SCFD2: variants seen among roughly 807,000 people sequenced by gnomAD.
SCFD2 encodes the protein sec1 family domain containing 2.
Under a neutral mutation model 58.9 loss-of-function variants are expected in SCFD2, and 54 were observed. The observed-to-expected ratio is 0.92, with a 90% CI of 0.74 to 1.15. The LOEUF (loss-of-function observed/expected upper bound fraction) is 1.15. Among genes scored for constraint, SCFD2 ranks in the 50% most tolerant of loss-of-function variants. The pLI is 0.00. For missense variants in SCFD2, 805 were observed against 836.6 expected (o/e 0.96, Z 0.47); for synonymous variants, 321 against 335.9 (o/e 0.96, Z 0.49).
At chr4:53,271,701 G>A (rs1397837183) in intron 4 of SCFD2, among the ~76,000 whole-genome samples, 2 of 152,082 alleles carry the variant, frequency 1.3e-5, no homozygotes, top group Non-Finnish European at 2.9e-5. Flanking sequence ...AACCTCAAGT[G>A]ATCCGCCCAC....
At chr4:53,354,090 C>T (rs1220298295) in intron 1 of SCFD2, among the ~76,000 whole-genome samples, 3 of 152,256 alleles carry the variant, frequency 2.0e-5, no homozygotes, top group African/African-American at 7.2e-5. Context: ...CCACATTCTT[C>T]GGCCCTTGGG....
chr4:53,113,555 A>G (rs974132247), intron 5 of SCFD2, among the ~76,000 whole-genome samples: 15 of 152,064 alleles, frequency 9.9e-5, no homozygotes, highest in African/African-American at 3.6e-4. Flanking sequence ...CTGGTAGACT[A>G]ATTTAGAAAC....
chr4:53,319,666 G>T (rs1414212506), intron 2 of SCFD2, among the ~76,000 whole-genome samples: 1 of 151,992 alleles, frequency 6.6e-6, no homozygotes, highest in East Asian at 1.9e-4. Context: ...TGGATAGCTG[G>T]GATTACAGGC....
chr4:53,069,697 T>TA (rs1374370670), intron 5 of SCFD2, among the ~76,000 whole-genome samples: 1 of 152,060 alleles, frequency 6.6e-6, no homozygotes, highest in East Asian at 1.9e-4. Flanking sequence ...CATGGTACTA[T>TA]AAAAAATCTA....
intron 5 of SCFD2, among the ~76,000 whole-genome samples, chr4:53,106,011 C>A (rs1228643518): frequency 6.6e-6 from 1 of 152,098 alleles, no homozygotes; most frequent in African/African-American, 2.4e-5. Flanking sequence ...AGGCAGTAAT[C>A]TTTGCTGTTC....
chr4:52,963,856 G>C (rs1720903919), intron 5 of SCFD2, among the ~76,000 whole-genome samples: 1 of 152,152 alleles, frequency 6.6e-6, no homozygotes, highest in African/African-American at 2.4e-5. Context: ...AGTTGGACAA[G>C]AAGCAATGGC....
Position 53,244,954 on chromosome 4 carries a change from A to G in SCFD2, c.1311+28872T>C, listed in dbSNP as rs549106685. Among the ~76,000 whole-genome samples, 8 of 152,110 alleles carry G rather than the reference A, an allele frequency of 5.3e-5. No individual in the cohort carries two copies. The South Asian group carries it at 1.5e-3, about 28-fold the overall frequency. The stretch of plus-strand genomic sequence containing the variant: ...CCACTCACCCCACAGAAATTCAAAT[A>G]ACAATCAGAGAATACTATGGACACC... On this transcript the variant is annotated intron_variant, in intron 4 of 8. Coordinates refer to ENST00000401642, the MANE Select transcript of SCFD2 (RefSeq NM_152540.4).
intron 4 of SCFD2, among the ~76,000 whole-genome samples, chr4:53,185,073 G>T (rs1217940287): frequency 6.6e-6 from 1 of 152,106 alleles, no homozygotes; most frequent in Non-Finnish European, 1.5e-5. Flanking sequence ...TGATAAGAGA[G>T]AAAAATATTC....
chr4:53,152,994 T>C (rs751803595), intron 4 of SCFD2, among the ~76,000 whole-genome samples: 1 of 152,212 alleles, frequency 6.6e-6, no homozygotes, highest in Non-Finnish European at 1.5e-5. Context: ...CCTGCCCCTG[T>C]GGCTTTGAAG....
chr4:53,207,491 T>TATACACACACATAA (rs1423322157), intron 4 of SCFD2, among the ~76,000 whole-genome samples: 2 of 21,790 alleles, frequency 9.2e-5, no homozygotes, highest in African/African-American at 2.1e-4. Flanking sequence ...TATATATATA[T>TATACACACACATAA]TTCATATATA....
chr4:53,241,594 G>T (rs1188577724), intron 4 of SCFD2, among the ~76,000 whole-genome samples: 1 of 152,156 alleles, frequency 6.6e-6, no homozygotes, highest in Non-Finnish European at 1.5e-5. Flanking sequence ...TCCCACCACT[G>T]CAGCCTCCCA....
intron 6 of SCFD2, among the ~76,000 whole-genome samples, chr4:52,914,568 C>T (rs1719559562): frequency 6.6e-6 from 1 of 152,146 alleles, no homozygotes; most frequent in Non-Finnish European, 1.5e-5. Flanking sequence ...GAGCTACTTT[C>T]CTGTCTCGGG....
chr4:53,339,091 T>C (rs1465655927), intron 2 of SCFD2, among the ~76,000 whole-genome samples: 1 of 151,958 alleles, frequency 6.6e-6, no homozygotes, highest in African/African-American at 2.4e-5. Flanking sequence ...GTGAGAAAAA[T>C]ATAAGTAAAT....
intron 5 of SCFD2, among the ~76,000 whole-genome samples, chr4:53,066,943 G>T (rs962433641): frequency 3.9e-5 from 6 of 152,010 alleles, no homozygotes; most frequent in Non-Finnish European, 7.4e-5. Context: ...AGGGGCTGAT[G>T]ATGCTCATTC....
chr4:53,205,140 G>A lies in SCFD2; in HGVS notation c.1312-59558C>T, dbSNP rs192106457. ...ACAGGGGATCCAACACAGGGTAGACGAAAAGGGAATCTGCAGAATGACAGT... is the reference window on the plus strand; with the variant it reads ...ACAGGGGATCCAACACAGGGTAGACAAAAAGGGAATCTGCAGAATGACAGT... On this transcript the variant is annotated intron_variant, in intron 4 of 8. Coordinates refer to ENST00000401642, the MANE Select transcript of SCFD2 (RefSeq NM_152540.4). 3.9e-5 allele frequency among the ~76,000 whole-genome samples: 6 copies of A among 152,214 alleles called. No individual in the cohort carries two copies. The East Asian group carries it at 7.7e-4, about 20-fold the overall frequency.
intron 2 of SCFD2, among the ~76,000 whole-genome samples, chr4:53,352,186 A>G (rs1464538667): frequency 6.6e-6 from 1 of 152,228 alleles, no homozygotes; most frequent in East Asian, 1.9e-4. Context: ...ATCCACAGGT[A>G]TATCATCTAA....
At chr4:52,913,399 T>C (rs569344335) in intron 6 of SCFD2, among the ~76,000 whole-genome samples, 67 of 152,260 alleles carry the variant, frequency 4.4e-4, no homozygotes, top group Non-Finnish European at 8.1e-4. Context: ...ACAAACCCTA[T>C]TGTGAACTGC....
At chr4:53,305,315 T>G (rs188485983) in intron 3 of SCFD2, among the ~76,000 whole-genome samples, 2 of 152,290 alleles carry the variant, frequency 1.3e-5, no homozygotes, top group Admixed American at 1.3e-4. Context: ...TTTGAGTTTA[T>G]TTTTGTATAT....
At chr4:53,249,751 G>C (rs1302361579) in intron 4 of SCFD2, among the ~76,000 whole-genome samples, 1 of 152,178 alleles carries the variant, frequency 6.6e-6, no homozygotes, top group Non-Finnish European at 1.5e-5. Flanking sequence ...AGCAAATGCT[G>C]AGAGATTTTG....
Sources: allele counts gnomAD v4.1 joint callset (sites outside exome capture counted in the v4.1 genomes callset), GRCh38; gene constraint gnomAD v4.1.1; transcripts MANE v1.5; gene names NCBI Gene and HGNC (gene_info 2026-07-23, HGNC 2026-07-21).